The following TP73 variants were observed in gnomAD, a reference collection of about 807,000 sequenced individuals.
TP73 encodes tumor protein p73, also known as p53-like transcription factor.
A neutral mutation model predicts 62.5 loss-of-function variants in TP73; 25 were observed. The ratio of observed to expected loss-of-function variants is 0.40; its 90% CI spans 0.29 to 0.56. The LOEUF (loss-of-function observed/expected upper bound fraction) is 0.56, where lower values mean the gene tolerates loss of function less well. TP73 is among the 20% of genes least tolerant of loss of function. The probability of loss-of-function intolerance (pLI) is 0.46; values close to 1 mark genes in which losing one functional copy is unlikely to be tolerated. For missense variants in TP73, 754 were observed against 913.3 expected, an observed-to-expected ratio of 0.83 and a Z score of 2.25; for synonymous variants, 423 against 377.5, an observed-to-expected ratio of 1.12 and a Z score of -1.40.
intron 2 of TP73, among the ~76,000 whole-genome samples, chr1:3,682,837 G>A (rs1645556869): frequency 6.6e-6 from 1 of 152,206 alleles, no homozygotes; most frequent in South Asian, 2.1e-4. Flanking sequence ...GGCCAGCAGA[G>A]GCCCAGAATA....
chr1:3,678,417 G>A (rs1331099031), intron 1 of TP73, among the ~76,000 whole-genome samples: 3 of 152,164 alleles, frequency 2.0e-5, no homozygotes, highest in Non-Finnish European at 4.4e-5. Context: ...AGATGCCTGC[G>A]GAGCCAGTCA....
chr1:3,687,838 G>A (rs1645703035), intron 3 of TP73, among the ~76,000 whole-genome samples: 1 of 152,166 alleles, frequency 6.6e-6, no homozygotes, highest in South Asian at 2.1e-4. Context: ...TACAGCTGGT[G>A]GGGCAGAAGG....
chr1:3,729,784 C>T, intron 10 of TP73: 2 of 779,332 alleles, frequency 2.6e-6, no homozygotes, highest in South Asian at 1.7e-5. Context: ...CATCCCCCTG[C>T]CTCCCGGCCC....
intron 1 of TP73, among the ~76,000 whole-genome samples, chr1:3,664,640 C>T (rs894515359): frequency 5.3e-5 from 8 of 152,218 alleles, no homozygotes; most frequent in Non-Finnish European, 8.8e-5. Flanking sequence ...TGGTGCCCAC[C>T]CGCCAGACTG....
At chr1:3,684,306 G>A (rs186220388) in intron 3 of TP73, among the ~76,000 whole-genome samples, 9 of 152,294 alleles carry the variant, frequency 5.9e-5, no homozygotes, top group African/African-American at 1.7e-4. Flanking sequence ...GGGGATACGC[G>A]GAACAGCGCG....
intron 12 of TP73, 118 bp downstream of exon 12, chr1:3,731,183 T>G: frequency 7.1e-7 from 1 of 1,416,642 alleles, no homozygotes; most frequent in South Asian, 1.3e-5. Context: ...CAACCCTGGA[T>G]CAGACAGGCG....
At chr1:3,706,427 G>A (rs1425345947) in intron 3 of TP73, among the ~76,000 whole-genome samples, 1 of 134,560 alleles carries the variant, frequency 7.4e-6, no homozygotes, top group Non-Finnish European at 1.6e-5. Flanking sequence ...CCGGGGAGGG[G>A]GGTAATAGGG....
In TP73 at chr1:3,712,361, C is replaced by T. The variant is rs142204253; in HGVS notation, c.429+4570C>T. The T allele has an allele frequency of 4.6e-5, 7 of 152,332 alleles. No homozygotes were observed. In the East Asian group the frequency reaches 9.7e-4, roughly 21 times the overall value. The allele number at this position is 152,332 out of a possible 1,614,324, so 9.4% of individuals were successfully genotyped here. On this transcript the variant is annotated intron_variant, in intron 4 of 13. Transcript: ENST00000378295. ...CCTGCTCTGGCTGTGGTCAGCGCCT[C>T]GGGGCTCGTGGCCCGAGCCGGGGTT...
At chr1:3,669,112 C>T (rs1645184712) in intron 1 of TP73, among the ~76,000 whole-genome samples, 1 of 152,352 alleles carries the variant, frequency 6.6e-6, no homozygotes, top group East Asian at 1.9e-4. Context: ...CAGGAGCCAG[C>T]CGAGGGCCAC....
chr1:3,705,709 G>A (rs947815205), intron 3 of TP73, among the ~76,000 whole-genome samples: 3 of 152,210 alleles, frequency 2.0e-5, no homozygotes, highest in African/African-American at 4.8e-5. Context: ...CTGCCCCTCC[G>A]GCATCCCGGG....
rs533994618 is a variant in TP73 at position 3,671,334 on chromosome 1, T to C, written c.-33-10999T>C. ...TTGGTGGTCCTGTACCCTGTCCAGC[T>C]CCAGTTGCTGTTCCTGCCTCTCCCT... On this transcript the variant is annotated intron_variant, in intron 1 of 13. Transcript: ENST00000378295. Among the ~76,000 whole-genome samples the C allele has an allele frequency of 2.6e-5, 4 of 152,268 alleles. No homozygotes were observed. The South Asian group carries it at 8.3e-4, about 32-fold the overall frequency.
intron 1 of TP73, among the ~76,000 whole-genome samples, chr1:3,655,410 T>C (rs1260836137): frequency 7.2e-5 from 11 of 152,164 alleles, no homozygotes; most frequent in African/African-American, 2.2e-4. Flanking sequence ...AAAAATACTT[T>C]TGGTGTGTGT....
intron 1 of TP73, among the ~76,000 whole-genome samples, chr1:3,654,156 A>G (rs990445631): frequency 1.3e-5 from 2 of 152,254 alleles, no homozygotes; most frequent in African/African-American, 4.8e-5. Context: ...CCTGGGCAAC[A>G]GAGCAAGACT....
chr1:3,727,409 C>CGGAG (rs1368115850), intron 7 of TP73, 185 bp downstream of exon 7: 6 of 925,616 alleles, frequency 6.5e-6, no homozygotes, highest in Non-Finnish European at 8.0e-6. Flanking sequence ...GCTGGGCCTC[C>CGGAG]GGAGGGAGGT....
intron 11 of TP73, 117 bp downstream of exon 11, chr1:3,730,265 C>A: frequency 1.6e-6 from 2 of 1,227,818 alleles, no homozygotes; most frequent in South Asian, 2.1e-5. Context: ...GTGGCTGGCT[C>A]CTTCCAGCGG....
In TP73 at chr1:3,707,819, C is replaced by T. The variant is rs777384076; in HGVS notation, c.429+28C>T. The T allele has an allele frequency of 8.2e-6, 13 of 1,590,396 alleles. No individual in the cohort carries two copies. In the East Asian group the frequency reaches 9.0e-5, roughly 11 times the overall value. On this transcript the variant is annotated intron_variant, in intron 4 of 13. Transcript: ENST00000378295. ...GAGTTCCCCTAGTCCCTGAGGGCTG[C>T]GGGCTGCGGGCTGCGGGCTGGAGAG...
intron 2 of TP73, among the ~76,000 whole-genome samples, chr1:3,682,812 C>G (rs1645555800): frequency 6.6e-6 from 1 of 152,198 alleles, no homozygotes. Flanking sequence ...CTGGCCAGCT[C>G]TGGAGAGGGC....
chr1:3,704,671 C>T (rs1639479465), intron 3 of TP73, among the ~76,000 whole-genome samples: 1 of 152,212 alleles, frequency 6.6e-6, no homozygotes, highest in South Asian at 2.1e-4. Context: ...CCAGGAAGGG[C>T]CTGGGCCCGT....
At chr1:3,664,407 G>A (rs938700897) in intron 1 of TP73, among the ~76,000 whole-genome samples, 8 of 152,202 alleles carry the variant, frequency 5.3e-5, no homozygotes, top group Admixed American at 6.5e-5. Flanking sequence ...TGGCACCTGG[G>A]GAAGGCTGGG....
Sources: allele counts gnomAD v4.1 joint callset (sites outside exome capture counted in the v4.1 genomes callset), GRCh38; gene constraint gnomAD v4.1.1; transcripts MANE v1.5; gene names NCBI Gene and HGNC (gene_info 2026-07-23, HGNC 2026-07-21).